The following COL21A1 variants were observed in gnomAD, a reference collection of about 807,000 sequenced individuals.
The protein encoded by COL21A1 is collagen type XXI alpha 1 chain.
A neutral mutation model predicts 137.9 loss-of-function variants in COL21A1; 149 were observed. The observed-to-expected ratio is 1.08, with a 90% CI of 0.95 to 1.24. COL21A1 has a LOEUF of 1.24. Among genes scored for constraint, COL21A1 ranks in the 50% most tolerant of loss-of-function variants. COL21A1 has a pLI of 0.00. For missense variants in COL21A1, 1,167 were observed against 1,158.4 expected (o/e 1.01, Z -0.11); for synonymous variants, 456 against 391.5 (o/e 1.16, Z -1.95).
chr6:56,199,149 G>C (rs1289307817), intron 1 of COL21A1, among the ~76,000 whole-genome samples: 1 of 151,962 alleles, frequency 6.6e-6, no homozygotes, highest in Non-Finnish European at 1.5e-5. Flanking sequence ...GCTTGTGATG[G>C]TAACTATTAC....
chr6:56,265,966 A>G (rs569491577), intron 1 of COL21A1, among the ~76,000 whole-genome samples: 38 of 152,348 alleles, frequency 2.5e-4, no homozygotes, highest in Admixed American at 1.2e-3. Flanking sequence ...TTAAATATTA[A>G]GTTTAACTTA....
intron 2 of COL21A1, among the ~76,000 whole-genome samples, chr6:56,181,427 T>C (rs960730348): frequency 1.1e-4 from 16 of 151,984 alleles, no homozygotes; most frequent in Non-Finnish European, 1.8e-4. Context: ...GACGAAAGGA[T>C]AGAAAAGCTT....
chr6:56,109,298 T>A (rs1771216152), intron 16 of COL21A1, among the ~76,000 whole-genome samples: 1 of 151,058 alleles, frequency 6.6e-6, no homozygotes, highest in South Asian at 2.1e-4. Flanking sequence ...CAGAAACATA[T>A]AAAAGTAAAA....
At chr6:56,106,998 A>C (rs1389391749) in intron 16 of COL21A1, among the ~76,000 whole-genome samples, 1 of 152,124 alleles carries the variant, frequency 6.6e-6, no homozygotes, top group Non-Finnish European at 1.5e-5. Context: ...CGTGTTAGCC[A>C]GGAGGGTCTC....
intron 16 of COL21A1, among the ~76,000 whole-genome samples, chr6:56,111,280 A>T (rs1004846202): frequency 3.0e-4 from 45 of 152,310 alleles, no homozygotes; most frequent in African/African-American, 1.0e-3. Context: ...CAGACAAGAA[A>T]TGACTCATAA....
chr6:56,119,990 T>A (rs1281149696), intron 16 of COL21A1, among the ~76,000 whole-genome samples: 1 of 152,162 alleles, frequency 6.6e-6, no homozygotes, highest in African/African-American at 2.4e-5. Context: ...TCCAGGACAT[T>A]GATCTCAGAA....
chr6:56,261,050 C>T (rs199801424), intron 1 of COL21A1, among the ~76,000 whole-genome samples: 1 of 24,644 alleles, frequency 4.1e-5, no homozygotes, highest in African/African-American at 2.5e-4. Flanking sequence ...GTTTTCTTGA[C>T]ACTTCACTTT....
At chr6:56,212,464 G>A (rs1328648672) in intron 1 of COL21A1, among the ~76,000 whole-genome samples, 1 of 151,956 alleles carries the variant, frequency 6.6e-6, no homozygotes, top group South Asian at 2.1e-4. Flanking sequence ...AGGTTTATAC[G>A]AGAAATTCTA....
chr6:56,332,767 G>A (rs907265860), intron 1 of COL21A1, among the ~76,000 whole-genome samples: 1 of 151,664 alleles, frequency 6.6e-6, no homozygotes, highest in Non-Finnish European at 1.5e-5. Flanking sequence ...TGTGTGATTT[G>A]TTTAAAAAAT....
At chr6:56,097,547 G>T (rs916585054) in intron 17 of COL21A1, among the ~76,000 whole-genome samples, 1 of 151,434 alleles carries the variant, frequency 6.6e-6, no homozygotes, top group East Asian at 1.9e-4. Flanking sequence ...AGAAAAGAAG[G>T]AAATGGTTAA....
chr6:56,326,694 T>C lies in COL21A1; in HGVS notation c.-39+67277A>G, dbSNP rs184963394. Among the ~76,000 whole-genome samples, 7 of 152,144 alleles carry C rather than the reference T, an allele frequency of 4.6e-5. No homozygotes were observed. In the East Asian group the frequency reaches 1.3e-3, roughly 29 times the overall value. On this transcript the variant is annotated intron_variant, in intron 1 of 28. Transcript: ENST00000370819. ...TTTTGGAATTCTTCAAAACATTAAT[T>C]TTTAGCAAAGTGACCATTTTGATTA...
chr6:56,252,817 G>C (rs966863848), intron 1 of COL21A1, among the ~76,000 whole-genome samples: 2 of 152,102 alleles, frequency 1.3e-5, no homozygotes, highest in Admixed American at 1.3e-4. Context: ...ATGAATGCTG[G>C]GTGGACAAAA....
At chr6:56,349,861 T>A (rs1215633136) in intron 1 of COL21A1, among the ~76,000 whole-genome samples, 1 of 152,128 alleles carries the variant, frequency 6.6e-6, no homozygotes, top group Non-Finnish European at 1.5e-5. Context: ...TCATAAAGAA[T>A]CCAAGGGCAG....
chr6:56,154,614 C>T (rs1378041636), intron 10 of COL21A1, among the ~76,000 whole-genome samples: 1 of 152,172 alleles, frequency 6.6e-6, no homozygotes, highest in Admixed American at 6.5e-5. Context: ...TTACCACTCA[C>T]AATCATGAAA....
intron 19 of COL21A1, among the ~76,000 whole-genome samples, chr6:56,074,802 G>A (rs1394245851): frequency 6.6e-6 from 1 of 151,016 alleles, no homozygotes; most frequent in Non-Finnish European, 1.5e-5. Context: ...CTTTCAATTA[G>A]GACTTGATTT....
At chr6:56,155,259 C>T (rs1775653421) in intron 10 of COL21A1, among the ~76,000 whole-genome samples, 1 of 152,238 alleles carries the variant, frequency 6.6e-6, no homozygotes, top group Non-Finnish European at 1.5e-5. Flanking sequence ...TATCCATCCT[C>T]TTCCCATGCA....
At chr6:56,253,878 T>G (rs1470736136) in intron 1 of COL21A1, among the ~76,000 whole-genome samples, 1 of 152,228 alleles carries the variant, frequency 6.6e-6, no homozygotes, top group African/African-American at 2.4e-5. Context: ...GAAATTTGAC[T>G]GATTCTAATT....
At chr6:56,246,880 C>CA (rs1562022314) in intron 1 of COL21A1, among the ~76,000 whole-genome samples, 1 of 151,988 alleles carries the variant, frequency 6.6e-6, no homozygotes, top group African/African-American at 2.4e-5. Context: ...AGTCCCACCC[C>CA]CAGAGATTCT....
At chr6:56,234,332 T>A (rs1453901362) in intron 1 of COL21A1, among the ~76,000 whole-genome samples, 1 of 151,654 alleles carries the variant, frequency 6.6e-6, no homozygotes, top group African/African-American at 2.4e-5. Flanking sequence ...AAAATAAATA[T>A]AGTATGAAAA....
Sources: allele counts gnomAD v4.1 joint callset (sites outside exome capture counted in the v4.1 genomes callset), GRCh38; gene constraint gnomAD v4.1.1; transcripts MANE v1.5; gene names NCBI Gene and HGNC (gene_info 2026-07-23, HGNC 2026-07-21).